The following GPM6A variants were observed in gnomAD, a reference collection of about 807,000 sequenced individuals.
The protein encoded by GPM6A is neuronal membrane glycoprotein M6-a.
A neutral mutation model predicts 32.1 loss-of-function variants in GPM6A; 7 were observed. That is an observed-to-expected ratio of 0.22 (90% CI 0.12 to 0.41). The LOEUF is 0.41. Among genes scored for constraint, GPM6A ranks in the 10% least tolerant of loss-of-function variants. The pLI, the probability that GPM6A is intolerant of heterozygous loss-of-function variation, is 1.00. For missense variants in GPM6A, 235 were observed against 347.2 expected (o/e 0.68, Z 2.57); for synonymous variants, 130 against 123.4 (o/e 1.05, Z -0.35).
At chr4:175,651,702 C>T (rs1741817407) in intron 4 of GPM6A, 132 bp downstream of exon 4, 1 of 692,470 alleles carries the variant, frequency 1.4e-6, no homozygotes, top group Admixed American at 2.8e-5. Flanking sequence ...CAGTAATACT[C>T]TGATAAATTT....
intron 1 of GPM6A, among the ~76,000 whole-genome samples, chr4:175,778,765 C>T (rs2111248342): frequency 6.7e-6 from 1 of 150,172 alleles, no homozygotes; most frequent in South Asian, 2.1e-4. Flanking sequence ...ACTATAATTA[C>T]CTAATGACTT....
chr4:175,824,796 A>G (rs1214714829), intron 1 of GPM6A, among the ~76,000 whole-genome samples: 1 of 152,162 alleles, frequency 6.6e-6, no homozygotes, highest in Non-Finnish European at 1.5e-5. Context: ...AGTAAGTGGT[A>G]TTTCTATTTT....
intron 1 of GPM6A, among the ~76,000 whole-genome samples, chr4:175,862,944 A>C (rs1325236940): frequency 6.6e-6 from 1 of 152,162 alleles, no homozygotes; most frequent in Non-Finnish European, 1.5e-5. Flanking sequence ...GAATATCAGC[A>C]TGTGAGTTTT....
chr4:175,709,556 C>T (rs1046873045), intron 1 of GPM6A, among the ~76,000 whole-genome samples: 1 of 151,786 alleles, frequency 6.6e-6, no homozygotes, highest in Non-Finnish European at 1.5e-5. Context: ...GGTGAAACCC[C>T]ATCTCTGCTA....
intron 1 of GPM6A, among the ~76,000 whole-genome samples, chr4:175,766,133 C>G (rs1279153337): frequency 6.6e-6 from 1 of 152,122 alleles, no homozygotes; most frequent in Non-Finnish European, 1.5e-5. Flanking sequence ...GGGATTTTCA[C>G]AGTAAGAGAT....
chr4:175,911,545 G>A (rs1738319803), intron 1 of GPM6A, among the ~76,000 whole-genome samples: 1 of 152,158 alleles, frequency 6.6e-6, no homozygotes, highest in African/African-American at 2.4e-5. Flanking sequence ...CCCAAATAAA[G>A]TGATTTTTAA....
intron 1 of GPM6A, among the ~76,000 whole-genome samples, chr4:175,738,349 C>G (rs1731748113): frequency 6.6e-6 from 1 of 152,072 alleles, no homozygotes; most frequent in African/African-American, 2.4e-5. Flanking sequence ...GTTCACTGCT[C>G]ATTGTGGCCA....
At chr4:175,665,655 G>A (rs1342140168) in intron 3 of GPM6A, among the ~76,000 whole-genome samples, 3 of 151,294 alleles carry the variant, frequency 2.0e-5, no homozygotes, top group African/African-American at 4.9e-5. Flanking sequence ...GTGGTGGTGC[G>A]CCCATGATCC....
intron 4 of GPM6A, among the ~76,000 whole-genome samples, chr4:175,650,156 CT>C (rs1407445946): frequency 6.6e-6 from 1 of 152,210 alleles, no homozygotes; most frequent in African/African-American, 2.4e-5. Flanking sequence ...TATTATTCTG[CT>C]TTTCCCCCCG....
Position 175,640,993 on chromosome 4 carries a change from A to C in GPM6A, c.542-164T>G, listed in dbSNP as rs729721. ...CTTTCATTGTGGATAATAACTATGC[A>C]TAGAATTATGAATATAATATGCAAG... On this transcript the variant is annotated intron_variant, in intron 4 of 6. Coordinates refer to ENST00000393658, the MANE Select transcript of GPM6A (RefSeq NM_201591.3). 0.04 allele frequency: 23,993 copies of C among 598,814 alleles called. 678 individuals carry two copies. Among genetic ancestry groups the C allele is most frequent in the Admixed American group, 0.074 (2,509 of 33,836 alleles). 37.1% of individuals were successfully genotyped at this position (598,814 alleles called of 1,614,324 possible). A position where few individuals can be genotyped will look rare whatever the true frequency, so the allele number is the denominator to read the frequency against.
chr4:175,933,514 T>C (rs1739119995), intron 1 of GPM6A, among the ~76,000 whole-genome samples: 1 of 152,174 alleles, frequency 6.6e-6, no homozygotes, highest in Non-Finnish European at 1.5e-5. Flanking sequence ...TGAATAAAAA[T>C]GAAAATTTAT....
intron 1 of GPM6A, among the ~76,000 whole-genome samples, chr4:175,990,293 A>T (rs554452317): frequency 6.6e-6 from 1 of 152,246 alleles, no homozygotes; most frequent in Non-Finnish European, 1.5e-5. Context: ...AAAGTCACAA[A>T]CCATCCAGCT....
chr4:175,812,511 TAAGCA>T, upstream of GPM6A: 2 of 1,131,146 alleles, frequency 1.8e-6, no homozygotes, highest in Non-Finnish European at 2.2e-6. Context: ...TGTACCACTG[TAAGCA>T]GGTATTCAAA....
intron 2 of GPM6A, among the ~76,000 whole-genome samples, chr4:175,683,738 T>G (rs1021186051): frequency 1.3e-5 from 2 of 152,088 alleles, no homozygotes; most frequent in South Asian, 4.2e-4. Flanking sequence ...CCTCCCACTA[T>G]GATAGGAAGA....
intron 1 of GPM6A, chr4:175,961,957 C>G (rs1740179411): frequency 8.2e-6 from 4 of 490,200 alleles, no homozygotes; most frequent in Non-Finnish European, 1.5e-5. Context: ...CTGCCCCTCA[C>G]CCAACCTTAC....
chr4:175,897,219 C>T (rs1167325460), intron 1 of GPM6A, among the ~76,000 whole-genome samples: 1 of 152,050 alleles, frequency 6.6e-6, no homozygotes, highest in Non-Finnish European at 1.5e-5. Context: ...AGGGTCAGTG[C>T]AAGTGGCTGA....
intron 1 of GPM6A, among the ~76,000 whole-genome samples, chr4:175,747,263 C>G (rs558775557): frequency 1.1e-5 from 1 of 89,518 alleles, no homozygotes; most frequent in Non-Finnish European, 2.3e-5. Flanking sequence ...AGCAAGACTC[C>G]ATCTCCAAAA....
At chr4:175,961,962 C>T (rs1579667416) in intron 1 of GPM6A, 1 of 496,414 alleles carries the variant, frequency 2.0e-6, no homozygotes, top group East Asian at 4.1e-5. Context: ...CCTCACCCAA[C>T]CTTACCACCA....
At chr4:175,710,900 C>G (rs1332522811) in intron 1 of GPM6A, among the ~76,000 whole-genome samples, 1 of 152,140 alleles carries the variant, frequency 6.6e-6, no homozygotes, top group African/African-American at 2.4e-5. Flanking sequence ...CAGTCTCAGG[C>G]TGAACTCAGC....
Sources: allele counts gnomAD v4.1 joint callset (sites outside exome capture counted in the v4.1 genomes callset), GRCh38; gene constraint gnomAD v4.1.1; transcripts MANE v1.5; gene names NCBI Gene and HGNC (gene_info 2026-07-23, HGNC 2026-07-21).